The following TRIM5 variants were observed in gnomAD, a reference collection of about 807,000 sequenced individuals.
TRIM5 encodes tripartite motif containing 5, also known as tripartite motif-containing protein 5.
In TRIM5, 31 loss-of-function variants were observed where a neutral mutation model predicts 35.6. The ratio of observed to expected loss-of-function variants is 0.87; its 90% CI spans 0.65 to 1.18. The LOEUF is 1.18. Among genes scored for constraint, TRIM5 ranks in the 50% most tolerant of loss-of-function variants. The pLI, the probability that TRIM5 is intolerant of heterozygous loss-of-function variation, is 0.00. For synonymous variants in TRIM5, 243 were observed against 215.6 expected (o/e 1.13, Z -1.11); for missense variants, 609 against 591.6 (o/e 1.03, Z -0.31).
chr11:5,635,700 G>A, the TRIM5 span, among the ~76,000 whole-genome samples: 5 of 152,172 alleles, frequency 3.3e-5, no homozygotes, highest in Non-Finnish European at 7.3e-5. Flanking sequence ...CGAAGCAGGA[G>A]AGTAACTGAT....
the TRIM5 span, among the ~76,000 whole-genome samples, chr11:5,595,015 A>G: frequency 6.6e-6 from 1 of 152,202 alleles, no homozygotes; most frequent in African/African-American, 2.4e-5. Context: ...GCCTGCAGAC[A>G]TGAGGTAGTC....
the TRIM5 span, chr11:5,641,284 C>T: frequency 1.9e-6 from 3 of 1,590,498 alleles, no homozygotes; most frequent in South Asian, 3.4e-5. Context: ...TAAAAAATCT[C>T]CCAGAGTAGT....
chr11:5,659,892 AG>A (rs1231248127), downstream of TRIM5, among the ~76,000 whole-genome samples: 4 of 151,984 alleles, frequency 2.6e-5, no homozygotes, highest in Admixed American at 1.3e-4. Flanking sequence ...ACTTGACTAG[AG>A]TTTATACAAT....
At chr11:5,641,165 A>C in the TRIM5 span, 11 of 1,613,128 alleles carry the variant, frequency 6.8e-6, no homozygotes, top group Non-Finnish European at 8.5e-6. Context: ...TTTTCTTTCT[A>C]GGACATGAGT....
intron 4 of TRIM5, among the ~76,000 whole-genome samples, chr11:5,676,181 T>C (rs1590261495): frequency 6.6e-6 from 1 of 151,830 alleles, no homozygotes; most frequent in Non-Finnish European, 1.5e-5. Context: ...TGTGTCTTTA[T>C]AGCAGCATGA....
At chr11:5,625,326 A>G in the TRIM5 span, among the ~76,000 whole-genome samples, 1 of 152,106 alleles carries the variant, frequency 6.6e-6, no homozygotes, top group African/African-American at 2.4e-5. Flanking sequence ...ATCTATTTCC[A>G]TTCCCTTCCT....
At chr11:5,661,716 G>T (rs7943397), downstream of TRIM5, among the ~76,000 whole-genome samples, 3 of 151,994 alleles carry the variant, frequency 2.0e-5, no homozygotes, top group African/African-American at 4.8e-5. Flanking sequence ...TTAGCCTTTT[G>T]GAGCACAGGT....
At chr11:5,667,322 T>C (rs1851217534) in intron 5 of TRIM5, among the ~76,000 whole-genome samples, 1 of 151,406 alleles carries the variant, frequency 6.6e-6, no homozygotes, top group African/African-American at 2.4e-5. Context: ...TTCTCCTGCC[T>C]CAGCCTCCCG....
At chr11:5,645,852 T>A in the TRIM5 span, 192,151 of 205,862 alleles carry the variant, frequency 0.93, 90,025 homozygotes, top group East Asian at 1. Context: ...TCTCTTCATC[T>A]CATCTAGTCT....
the TRIM5 span, among the ~76,000 whole-genome samples, chr11:5,628,967 C>A: frequency 1.3e-5 from 2 of 152,104 alleles, no homozygotes; most frequent in African/African-American, 4.8e-5. Context: ...GTCTGTATGT[C>A]TTCTCCTCTT....
the TRIM5 span, among the ~76,000 whole-genome samples, chr11:5,606,795 C>G: frequency 1.6e-4 from 25 of 152,128 alleles, no homozygotes; most frequent in African/African-American, 6.0e-4. Context: ...TATGACTGCC[C>G]CACGGACATT....
At chr11:5,641,785 C>T in the TRIM5 span, among the ~76,000 whole-genome samples, 1 of 152,156 alleles carries the variant, frequency 6.6e-6, no homozygotes, top group Non-Finnish European at 1.5e-5. Context: ...CATTGCCAAC[C>T]CACTTGGAAA....
At chr11:5,654,758 A>C in the TRIM5 span, among the ~76,000 whole-genome samples, 1 of 152,204 alleles carries the variant, frequency 6.6e-6, no homozygotes, top group Non-Finnish European at 1.5e-5. Flanking sequence ...ATCCAGATAA[A>C]CTACAGGAAT....
chr11:5,665,718 C>T, intron 6 of TRIM5, 36 bp from the exon 7 acceptor site: 2 of 1,481,708 alleles, frequency 1.3e-6, no homozygotes, highest in Non-Finnish European at 1.8e-6. Flanking sequence ...TGAATACAAA[C>T]AAAGGAGTCA....
At chr11:5,644,414 A>G in the TRIM5 span, 1 of 395,544 alleles carries the variant, frequency 2.5e-6, no homozygotes, top group Non-Finnish European at 4.5e-6. Flanking sequence ...AGCTGTAGTA[A>G]TGTCCTGTGC....
rs574858103 is a variant in TRIM5 at position 5,665,345 on chromosome 11, C to T, written c.946G>A (p.Asp316Asn). 2.5e-6 allele frequency: 4 copies of T among 1,613,414 alleles called. No individual in the cohort carries two copies. In the Admixed American group the frequency reaches 5.0e-5, roughly 20 times the overall value. ...TTCGGAGAGCTCACTTGTCTCTTAT[C>T]TTCAGAAATGACAGCACATGAAATG... ...NNISCAVISEDKRQVSSPKPQ... is the reference protein window; with the variant it reads ...NNISCAVISENKRQVSSPKPQ... The change falls in exon 8 of 8, where the codon GAT becomes AAT. Residue 316 changes from aspartate (D) to asparagine (N), a missense_variant. Asp to Asn is a conservative substitution (Grantham distance 23, BLOSUM62 1). Coordinates refer to ENST00000380034, the MANE Select transcript of TRIM5 (RefSeq NM_033034.3).
chr11:5,664,910 T>G lies in TRIM5; in HGVS notation c.1381A>C (p.Ile461Leu), dbSNP rs142925424. 1.2e-3 allele frequency: 2,007 copies of G among 1,613,232 alleles called. 1 individual carries two copies. The highest frequency in any genetic ancestry group is 1.6e-3 in the Non-Finnish European group (1,864 of 1,179,396). ...FFNITNHGFL[I>L]YKFSHCSFSQ... ...AAAGAACAGTGAGAAAACTTATAGATGAGAAATCCATGGTTTGTGATATTG... is the reference window on the plus strand; with the variant it reads ...AAAGAACAGTGAGAAAACTTATAGAGGAGAAATCCATGGTTTGTGATATTG... The change falls in exon 8 of 8, where the codon ATC (isoleucine) becomes CTC (leucine). Residue 461 changes from isoleucine to leucine, a missense_variant. Physicochemically the swap from Ile to Leu is conservative, Grantham distance 5. Coordinates refer to ENST00000380034, the MANE Select transcript of TRIM5 (RefSeq NM_033034.3).
chr11:5,641,416 C>A, the TRIM5 span: 2 of 1,152,490 alleles, frequency 1.7e-6, no homozygotes, highest in Admixed American at 3.4e-5. Context: ...AGAGCTACAG[C>A]CAAAAAGGAT....
At chr11:5,596,514 C>G in the TRIM5 span, 1 of 38,280 alleles carries the variant, frequency 2.6e-5, no homozygotes, top group Admixed American at 3.1e-4. Context: ...TTCCCCCGTT[C>G]TCCCCTTCCC....
Sources: allele counts gnomAD v4.1 joint callset (sites outside exome capture counted in the v4.1 genomes callset), GRCh38; gene constraint gnomAD v4.1.1; transcripts MANE v1.5; gene names NCBI Gene and HGNC (gene_info 2026-07-23, HGNC 2026-07-21).